PDS5B: variants seen among roughly 807,000 people sequenced by gnomAD.
The protein encoded by PDS5B is PDS5 cohesin associated factor B, also known as sister chromatid cohesion protein PDS5 homolog B.
In PDS5B, 51 loss-of-function variants were observed where a neutral mutation model predicts 184.1. The observed-to-expected ratio is 0.28, with a 90% CI of 0.22 to 0.35. The LOEUF is 0.35. Among genes scored for constraint, PDS5B ranks in the 10% least tolerant of loss-of-function variants. The probability of loss-of-function intolerance (pLI) is 1.00; values close to 1 mark genes in which losing one functional copy is unlikely to be tolerated. For missense variants in PDS5B, 1,180 were observed against 1,723.3 expected (o/e 0.68, Z 5.58); for synonymous variants, 566 against 569.2 (o/e 0.99, Z 0.08).
At chr13:32,746,193 ATG>A (rs1408420348) in intron 24 of PDS5B, 93 bp downstream of exon 24, 4 of 1,070,064 alleles carry the variant, frequency 3.7e-6, no homozygotes, top group Admixed American at 4.5e-5. Context: ...AAAATCTTGA[ATG>A]TGTATGGTTT....
At chr13:32,596,946 T>C (rs1424858621) in intron 1 of PDS5B, among the ~76,000 whole-genome samples, 3 of 152,186 alleles carry the variant, frequency 2.0e-5, no homozygotes, top group Admixed American at 6.6e-5. Flanking sequence ...CCTTATCTTT[T>C]TTTTAACAGT....
chr13:32,753,320 G>T lies in PDS5B; in HGVS notation c.2737-12G>T, dbSNP rs1443544058. On this transcript the variant is annotated splice_polypyrimidine_tract_variant and intron_variant, in intron 24 of 34. Coordinates refer to ENST00000315596, the MANE Select transcript of PDS5B (RefSeq NM_015032.4). ...CATTTGAATAATATCTGGAATAATT[G>T]TGTCTTTACAGGATGAATGCTATCA... 1.2e-6 allele frequency: 2 copies of T among 1,601,474 alleles called. No individual in the cohort carries two copies. The highest frequency in any genetic ancestry group is 1.7e-6 in the Non-Finnish European group (2 of 1,169,808).
At chr13:32,728,274 CT>C (rs1429708521) in intron 19 of PDS5B, among the ~76,000 whole-genome samples, 2 of 151,910 alleles carry the variant, frequency 1.3e-5, no homozygotes, top group Non-Finnish European at 2.9e-5. Context: ...TACCCTAATT[CT>C]ATCACTTATG....
At chr13:32,611,999 A>G (rs1462012847) in intron 1 of PDS5B, among the ~76,000 whole-genome samples, 2 of 151,782 alleles carry the variant, frequency 1.3e-5, no homozygotes, top group Non-Finnish European at 2.9e-5. Context: ...TTTTAATTTC[A>G]TATGAAATCT....
At chr13:32,774,767 TTAGA>T (rs1477457625) in intron 34 of PDS5B, among the ~76,000 whole-genome samples, 2 of 152,202 alleles carry the variant, frequency 1.3e-5, no homozygotes, top group African/African-American at 4.8e-5. Context: ...TTTAAAATTA[TTAGA>T]TAGAAAAGTA....
chr13:32,601,718 G>A (rs1378931021), intron 1 of PDS5B, among the ~76,000 whole-genome samples: 1 of 152,172 alleles, frequency 6.6e-6, no homozygotes, highest in Admixed American at 6.5e-5. Context: ...TAAATGGTTA[G>A]GTAGGACCAG....
At chr13:32,757,642 T>C (rs1954232376) in intron 26 of PDS5B, among the ~76,000 whole-genome samples, 1 of 152,236 alleles carries the variant, frequency 6.6e-6, no homozygotes, top group Admixed American at 6.5e-5. Context: ...TTATTGAATA[T>C]TCTTAACTGT....
rs1478101993 is a variant in PDS5B at position 32,746,119 on chromosome 13, A to G, written c.2736+19A>G. On this transcript the variant is annotated intron_variant, in intron 24 of 34. Coordinates refer to ENST00000315596, the MANE Select transcript of PDS5B (RefSeq NM_015032.4). ...TATCAACGTAAGGAAATGGCTGTGT[A>G]CAACTACTTTTTGAAGGTCTTTGAC... The G allele has an allele frequency of 6.3e-7, 1 of 1,599,930 alleles. No individual in the cohort carries two copies. The highest frequency in any genetic ancestry group is 8.5e-7 in the Non-Finnish European group (1 of 1,171,130).
intron 9 of PDS5B, among the ~76,000 whole-genome samples, chr13:32,677,760 T>G (rs1951112089): frequency 6.6e-6 from 1 of 152,114 alleles, no homozygotes. Flanking sequence ...TAACTTTAGT[T>G]TCTTAGGTGT....
At chr13:32,747,376 C>CA (rs1335344261) in intron 24 of PDS5B, among the ~76,000 whole-genome samples, 19 of 152,068 alleles carry the variant, frequency 1.2e-4, no homozygotes, top group Admixed American at 2.0e-4. Context: ...GTATAACTCT[C>CA]TAGACACAAA....
Position 32,701,493 on chromosome 13 carries a change from A to G in PDS5B, c.1856+55A>G. The G allele has an allele frequency of 8.3e-6, 9 of 1,088,896 alleles. No homozygotes were observed. The South Asian group carries it at 1.2e-4, about 15-fold the overall frequency. The allele number at this position is 1,088,896 out of a possible 1,614,324, so 67.5% of individuals were successfully genotyped here. On this transcript the variant is annotated intron_variant, in intron 17 of 34. Coordinates refer to ENST00000315596, the MANE Select transcript of PDS5B (RefSeq NM_015032.4). The stretch of plus-strand genomic sequence containing the variant: ...TTGCTGTTCATTAATGTGTACATTC[A>G]GGAATCAGTCATTGTTGAGTGCCTG...
intron 25 of PDS5B, among the ~76,000 whole-genome samples, chr13:32,754,547 C>G (rs890247220): frequency 2.0e-5 from 3 of 151,734 alleles, no homozygotes; most frequent in Non-Finnish European, 4.4e-5. Context: ...CTTTAAAATA[C>G]AGTTTTGGGG....
intron 20 of PDS5B, 137 bp downstream of exon 20, chr13:32,732,361 C>A: frequency 3.2e-6 from 2 of 629,950 alleles, no homozygotes; most frequent in South Asian, 3.7e-5. Flanking sequence ...GTAAAATCAA[C>A]ATTGATAAGT....
intron 7 of PDS5B, 86 bp downstream of exon 7, chr13:32,667,930 A>G: frequency 4.8e-6 from 3 of 630,356 alleles, no homozygotes; most frequent in Non-Finnish European, 8.0e-6. Flanking sequence ...CAGATAGTAT[A>G]TAGTTTTAAA....
At chr13:32,669,900 A>G (rs1381586221) in intron 7 of PDS5B, among the ~76,000 whole-genome samples, 3 of 152,140 alleles carry the variant, frequency 2.0e-5, no homozygotes, top group Admixed American at 6.5e-5. Flanking sequence ...TCAGACCTTT[A>G]TAATTACATG....
chr13:32,668,234 G>A (rs984732264), intron 7 of PDS5B, among the ~76,000 whole-genome samples: 1 of 152,118 alleles, frequency 6.6e-6, no homozygotes. Context: ...ACAAGAAGAA[G>A]ATATGAACTA....
chr13:32,675,772 G>A lies in PDS5B; in HGVS notation c.847-72G>A, dbSNP rs546984895. 4 of 797,066 alleles carry A rather than the reference G, an allele frequency of 5.0e-6. No individual in the cohort carries two copies. The South Asian group carries it at 7.3e-5, about 15-fold the overall frequency. 49.4% of individuals were successfully genotyped at this position (797,066 alleles called of 1,614,324 possible). A position where few individuals can be genotyped will look rare whatever the true frequency, so the allele number is the denominator to read the frequency against. On this transcript the variant is annotated intron_variant, in intron 8 of 34. Transcript: ENST00000315596. ...GGAATTGGAGCATCAGGGAAATTAT[G>A]GCAAAGAATGGGCAGCCTTATTCTG...
chr13:32,776,000 T>C lies in PDS5B; in HGVS notation c.*948T>C, dbSNP rs1954946959. ...AATTACACTATAATATAAAACCTGA[T>C]ATATACACATTAGAAATATTCCAGT... On this transcript the variant is annotated 3_prime_UTR_variant, in exon 35 of 35. Transcript: ENST00000315596. 1 of 171,896 alleles carries C rather than the reference T, an allele frequency of 5.8e-6. No homozygotes were observed. Among genetic ancestry groups the C allele is most frequent in the Non-Finnish European group, 1.2e-5 (1 of 80,248 alleles). 10.6% of individuals were successfully genotyped at this position (171,896 alleles called of 1,614,324 possible). A position where few individuals can be genotyped will look rare whatever the true frequency, so the allele number is the denominator to read the frequency against.
intron 1 of PDS5B, among the ~76,000 whole-genome samples, chr13:32,595,179 A>C (rs1392019384): frequency 6.6e-6 from 1 of 152,134 alleles, no homozygotes; most frequent in Non-Finnish European, 1.5e-5. Flanking sequence ...TAAAAAAAAA[A>C]ATGTTGTAGG....
Sources: gnomAD v4.1 joint callset for allele counts (sites outside exome capture counted in the v4.1 genomes callset) on GRCh38, gnomAD v4.1.1 for gene constraint, MANE v1.5 for transcripts, NCBI Gene and HGNC (gene_info 2026-07-23, HGNC 2026-07-21) for gene names.